The following NDFIP2 variants were observed in gnomAD, a reference collection of about 807,000 sequenced individuals.
The protein encoded by NDFIP2 is NEDD4 family-interacting protein 2.
A neutral mutation model predicts 36.0 loss-of-function variants in NDFIP2; 19 were observed. The ratio of observed to expected loss-of-function variants is 0.53; its 90% confidence interval spans 0.37 to 0.77. The LOEUF (loss-of-function observed/expected upper bound fraction) is 0.77, where lower values mean the gene tolerates loss of function less well. Among genes scored for constraint, NDFIP2 ranks in the 30% least tolerant of loss-of-function variants. The probability of loss-of-function intolerance (pLI) is 0.00; values close to 1 mark genes in which losing one functional copy is unlikely to be tolerated. For synonymous variants in NDFIP2, 181 were observed against 167.7 expected (o/e 1.08, Z -0.61); for missense variants, 446 against 435.8 (o/e 1.02, Z -0.21).
intron 7 of NDFIP2, among the ~76,000 whole-genome samples, chr13:79,551,326 ATAAATTT>A (rs1409432850): frequency 3.3e-5 from 5 of 151,538 alleles, no homozygotes; most frequent in Admixed American, 6.6e-5. Flanking sequence ...ATTGAATTTC[ATAAATTT>A]TAATTTTTAA....
At chr13:79,531,059 A>G (rs1483584130) in intron 2 of NDFIP2, among the ~76,000 whole-genome samples, 3 of 152,236 alleles carry the variant, frequency 2.0e-5, no homozygotes, top group Admixed American at 6.5e-5. Context: ...CTTGAAAGTC[A>G]GAATGACCCC....
chr13:79,533,475 TTC>T lies in NDFIP2; in HGVS notation c.621+21_621+22del. On this transcript the variant is annotated intron_variant, in intron 3 of 7. Transcript: ENST00000218652. ...TCAAAGAGTAAGAAAATTTCATCAT[TTC>T]TTTTGATAAAATTATTTTCGTTAAT... 6.3e-7 allele frequency: 1 copy of T among 1,577,160 alleles called. No individual in the cohort carries two copies. The highest frequency in any genetic ancestry group is 8.6e-7 in the Non-Finnish European group (1 of 1,166,600).
At chr13:79,545,917 G>T (rs894252807) in intron 5 of NDFIP2, among the ~76,000 whole-genome samples, 3 of 152,098 alleles carry the variant, frequency 2.0e-5, no homozygotes, top group Admixed American at 2.0e-4. Flanking sequence ...TTGTATTTTT[G>T]TAGAGACAGG....
In NDFIP2 at chr13:79,539,729, C is replaced by G. The variant is rs1465416571; in HGVS notation, c.669C>G (p.Asp223Glu). The G allele has an allele frequency of 5.0e-6, 8 of 1,613,690 alleles. No homozygotes were observed. The highest frequency in any genetic ancestry group is 6.8e-6 in the Non-Finnish European group (8 of 1,179,810). Reference sequence around the variant, plus strand: ...CAAGAGATGACTTCAGTGATGCAGACCAGCTCAGAGTGGGGAATGATGGCA... The same window carrying G: ...CAAGAGATGACTTCAGTGATGCAGAGCAGCTCAGAGTGGGGAATGATGGCA... ...CPPRDDFSDA[D>E]QLRVGNDGIF... The change falls in exon 4 of 8, where the codon GAC (aspartate) becomes GAG (glutamate). Residue 223 changes from aspartate to glutamate, a missense_variant. Coordinates refer to ENST00000218652, the MANE Select transcript of NDFIP2 (RefSeq NM_019080.3).
At chr13:79,495,882 A>G (rs1234296165) in intron 1 of NDFIP2, among the ~76,000 whole-genome samples, 4 of 151,868 alleles carry the variant, frequency 2.6e-5, no homozygotes, top group African/African-American at 9.7e-5. Flanking sequence ...ATTACAAGAA[A>G]GTGTGAAGGT....
intron 2 of NDFIP2, among the ~76,000 whole-genome samples, chr13:79,532,038 A>G (rs73553418): frequency 0.06 from 9,068 of 152,270 alleles, 547 homozygotes; most frequent in African/African-American, 0.15. Context: ...GTGTTTATCA[A>G]TTAGGTTTCC....
intron 1 of NDFIP2, among the ~76,000 whole-genome samples, chr13:79,506,224 GCAAC>G (rs1873861629): frequency 2.0e-5 from 3 of 152,046 alleles, no homozygotes; most frequent in African/African-American, 7.2e-5. Context: ...CAACTTGTAA[GCAAC>G]CATGTTACCT....
chr13:79,524,536 G>A (rs1300646314), intron 2 of NDFIP2, among the ~76,000 whole-genome samples: 1 of 152,190 alleles, frequency 6.6e-6, no homozygotes, highest in African/African-American at 2.4e-5. Flanking sequence ...AGGGACTGAA[G>A]CAATGAGGTT....
chr13:79,484,026 T>G (rs923663066), intron 1 of NDFIP2, among the ~76,000 whole-genome samples: 17 of 152,188 alleles, frequency 1.1e-4, no homozygotes, highest in African/African-American at 4.1e-4. Flanking sequence ...TATTTATTTA[T>G]TTTTATTTTT....
rs754871617 is a variant in NDFIP2, at chr13:79,555,100, C to A, written c.*2587C>A. 2 of 151,494 alleles carry A rather than the reference C, an allele frequency of 1.3e-5. No homozygotes were observed. Among genetic ancestry groups the A allele is most frequent in the African/African-American group, 2.4e-5 (1 of 41,286 alleles). The allele number at this position is 151,494 out of a possible 1,614,324, so 9.4% of individuals were successfully genotyped here. Reference sequence around the variant, plus strand: ...TCTATAAGATATATTTCATTTTAGACATGCCTTCTAAGTTGTTCACAGATT... The same window carrying A: ...TCTATAAGATATATTTCATTTTAGAAATGCCTTCTAAGTTGTTCACAGATT... On this transcript the variant is annotated 3_prime_UTR_variant, in exon 8 of 8. Transcript: ENST00000218652.
chr13:79,540,845 G>T (rs960834818), intron 4 of NDFIP2, among the ~76,000 whole-genome samples: 1 of 152,158 alleles, frequency 6.6e-6, no homozygotes, highest in Non-Finnish European at 1.5e-5. Flanking sequence ...TGTTCACGTT[G>T]TCAACCAGCT....
At chr13:79,482,822 C>T (rs553667479) in intron 1 of NDFIP2, among the ~76,000 whole-genome samples, 2 of 152,306 alleles carry the variant, frequency 1.3e-5, no homozygotes, top group South Asian at 4.1e-4. Flanking sequence ...AATTTATCAG[C>T]TTTTCTCAAC....
At chr13:79,515,912 C>G (rs1185885646) in intron 1 of NDFIP2, among the ~76,000 whole-genome samples, 2 of 110,606 alleles carry the variant, frequency 1.8e-5, no homozygotes, top group Non-Finnish European at 3.5e-5. Context: ...ATGATATACT[C>G]TAAGGTTTTT....
chr13:79,505,923 A>G (rs954157572), intron 1 of NDFIP2, among the ~76,000 whole-genome samples: 1 of 152,202 alleles, frequency 6.6e-6, no homozygotes, highest in African/African-American at 2.4e-5. Context: ...GATGGCAACC[A>G]ACATCATATC....
chr13:79,544,670 C>T (rs1261888252), intron 5 of NDFIP2, among the ~76,000 whole-genome samples: 1 of 151,984 alleles, frequency 6.6e-6, no homozygotes, highest in Non-Finnish European at 1.5e-5. Context: ...GCTAAATCCT[C>T]CTAAAATTTT....
chr13:79,481,325 CG>C lies in NDFIP2; in HGVS notation c.125del (p.Gly42GlufsTer79). ...AACGCGGAGGTCTCGGCGGCCGCTG[CG>C]GGAGCCACAGGAAGTGAAGAGCTTC... ...ATNAEVSAAAAGATGSEELPP... is the reference protein window; with the variant it reads ...ATNAEVSAAAXGATGSEELPP... On this transcript the variant is annotated frameshift_variant, in exon 1 of 8. Transcript: ENST00000218652. LOFTEE classifies it high-confidence loss of function. 1 of 1,544,756 alleles carries C rather than the reference CG, an allele frequency of 6.5e-7. No homozygotes were observed. The highest frequency in any genetic ancestry group is 1.4e-5 in the African/African-American group (1 of 73,252).
At chr13:79,490,794 T>C (rs1162637600) in intron 1 of NDFIP2, among the ~76,000 whole-genome samples, 2 of 152,300 alleles carry the variant, frequency 1.3e-5, no homozygotes, top group African/African-American at 4.8e-5. Context: ...TTCCTAACAA[T>C]GTGGTGAGGT....
chr13:79,498,239 G>A (rs1183839293), intron 1 of NDFIP2, among the ~76,000 whole-genome samples: 1 of 151,864 alleles, frequency 6.6e-6, no homozygotes, highest in African/African-American at 2.4e-5. Context: ...GCAGACAAAT[G>A]AAGTAATGAA....
At chr13:79,523,234 T>G (rs558457572) in intron 2 of NDFIP2, among the ~76,000 whole-genome samples, 4 of 152,326 alleles carry the variant, frequency 2.6e-5, no homozygotes, top group African/African-American at 9.6e-5. Context: ...GTTTTTGTTT[T>G]TTTAAGATGG....
Sources: allele counts gnomAD v4.1 joint callset (sites outside exome capture counted in the v4.1 genomes callset), GRCh38; gene constraint gnomAD v4.1.1; transcripts MANE v1.5; gene names NCBI Gene and HGNC (gene_info 2026-07-23, HGNC 2026-07-21).